Variants in VAV2 observed in about 807,000 individuals in gnomAD.
VAV2 encodes the protein guanine nucleotide exchange factor VAV2.
Under a neutral mutation model 132.5 loss-of-function variants are expected in VAV2, and 67 were observed. The observed-to-expected ratio is 0.51, with a 90% CI of 0.42 to 0.62. The LOEUF (loss-of-function observed/expected upper bound fraction) is 0.62, where lower values mean the gene tolerates loss of function less well. VAV2 is among the 20% of genes least tolerant of loss of function. The pLI, the probability that VAV2 is intolerant of heterozygous loss-of-function variation, is 0.00. For synonymous variants in VAV2, 492 were observed against 443.5 expected (o/e 1.11, Z -1.37); for missense variants, 938 against 1,153.6 (o/e 0.81, Z 2.71).
Position 133,861,847 on chromosome 9 carries a change from T to C in VAV2, c.322-415A>G, listed in dbSNP as rs1309277408. Among the ~76,000 whole-genome samples, 4 of 152,340 alleles carry C rather than the reference T, an allele frequency of 2.6e-5. No individual in the cohort carries two copies. The East Asian group carries it at 7.7e-4, about 29-fold the overall frequency. ...TGTTCACAGTAGGTGCCAACACATT[T>C]CAGAGATGAGGAAATGGGAGCCCAG... On this transcript the variant is annotated intron_variant, in intron 2 of 29. Coordinates refer to ENST00000371850, the MANE Select transcript of VAV2 (RefSeq NM_001134398.2).
chr9:133,976,626 C>T (rs1449270581), intron 1 of VAV2, among the ~76,000 whole-genome samples: 2 of 152,228 alleles, frequency 1.3e-5, no homozygotes, highest in Non-Finnish European at 2.9e-5. Flanking sequence ...AAACAGACCC[C>T]CAAGCCCCTG....
intron 2 of VAV2, among the ~76,000 whole-genome samples, chr9:133,874,672 CAG>C (rs1218706204): frequency 6.6e-6 from 1 of 152,158 alleles, no homozygotes; most frequent in Non-Finnish European, 1.5e-5. Flanking sequence ...ACTCTCTACA[CAG>C]ATGTCTTGCC....
At chr9:133,854,014 A>G (rs1837286702) in intron 3 of VAV2, among the ~76,000 whole-genome samples, 2 of 152,060 alleles carry the variant, frequency 1.3e-5, no homozygotes, top group Non-Finnish European at 2.9e-5. Flanking sequence ...ATATATACAC[A>G]CACGTGTGCA....
intron 2 of VAV2, among the ~76,000 whole-genome samples, chr9:133,925,584 G>C (rs1840448225): frequency 6.6e-6 from 1 of 152,158 alleles, no homozygotes; most frequent in Non-Finnish European, 1.5e-5. Flanking sequence ...AAAGTCCCCA[G>C]GGGCAGAGTG....
At chr9:133,938,656 T>A (rs1021362859) in intron 2 of VAV2, among the ~76,000 whole-genome samples, 16 of 152,114 alleles carry the variant, frequency 1.1e-4, no homozygotes, top group African/African-American at 3.9e-4. Flanking sequence ...AGATAATCCA[T>A]TTACAGAGCA....
At chr9:133,782,399 TC>T (rs759622470) in intron 19 of VAV2, among the ~76,000 whole-genome samples, 8 of 152,068 alleles carry the variant, frequency 5.3e-5, no homozygotes, top group Non-Finnish European at 1.2e-4. Flanking sequence ...GCCTGCGGAA[TC>T]CTCCAGCACT....
At chr9:133,778,052 G>A (rs1246425696) in intron 22 of VAV2, among the ~76,000 whole-genome samples, 1 of 152,150 alleles carries the variant, frequency 6.6e-6, no homozygotes, top group African/African-American at 2.4e-5. Flanking sequence ...CTGGGGGTCT[G>A]AGTCCTTGGC....
chr9:133,886,129 C>G (rs548693155), intron 2 of VAV2, among the ~76,000 whole-genome samples: 1 of 152,032 alleles, frequency 6.6e-6, no homozygotes, highest in African/African-American at 2.4e-5. Flanking sequence ...CTGGAGCAGG[C>G]GGGGAGGGAA....
At chr9:133,842,906 G>A (rs544946906) in intron 3 of VAV2, among the ~76,000 whole-genome samples, 17 of 152,346 alleles carry the variant, frequency 1.1e-4, no homozygotes, top group African/African-American at 1.9e-4. Flanking sequence ...GAAGCGCAGC[G>A]TGGAGGGCCC....
intron 1 of VAV2, among the ~76,000 whole-genome samples, chr9:133,979,143 G>A (rs932441458): frequency 2.6e-5 from 4 of 152,200 alleles, no homozygotes; most frequent in Non-Finnish European, 4.4e-5. Context: ...TCGGAGAGGC[G>A]AGCTCATGGC....
chr9:133,783,490 G>GC lies in VAV2; in HGVS notation c.1723+12_1723+13insG, dbSNP rs749338426. On this transcript the variant is annotated intron_variant, in intron 19 of 29. Coordinates refer to ENST00000371850, the MANE Select transcript of VAV2 (RefSeq NM_001134398.2). ...GCCAGGGACTGGGGTGGGGGGGTGA[G>GC]GGGGGTACTCACTGAACTTGCAGGG... is the stretch of plus-strand genomic sequence containing the variant. 2.6e-5 allele frequency: 39 copies of GC among 1,474,252 alleles called. No homozygotes were observed. The highest frequency in any genetic ancestry group is 3.5e-5 in the Non-Finnish European group (39 of 1,110,286). 91.3% of individuals were successfully genotyped at this position (1,474,252 alleles called of 1,614,324 possible).
At position 133,788,751 on chromosome 9, in the gene VAV2, C is replaced by T. The variant is rs954014127; in HGVS notation, c.1275-265G>A. The stretch of plus-strand genomic sequence containing the variant: ...CTTCAAGGGGCTCCTGCATCCCCCA[C>T]GCTGGCCTCCCATGCAGCACTGACC... On this transcript the variant is annotated intron_variant, in intron 14 of 29. Transcript: ENST00000371850. This position sits in a 1 kb window ranked among gnomAD's most constrained non-coding sequence, Gnocchi z 5.3. Among the ~76,000 whole-genome samples, 2 of 152,138 alleles carry T rather than the reference C, an allele frequency of 1.3e-5. No homozygotes were observed. The highest frequency in any genetic ancestry group is 1.5e-5 in the Non-Finnish European group (1 of 68,024).
rs569355690 is a variant in VAV2 at position 133,918,815 on chromosome 9, G to A, written c.321+20288C>T. On this transcript the variant is annotated intron_variant, in intron 2 of 29. Transcript: ENST00000371850. The surrounding 1 kb of genome is among the most constrained non-coding windows in gnomAD (Gnocchi z 4.7). ...TTTTGAGACAGAGTCTTGTTCTGTC[G>A]CCCAGGCTGAAGTGCAGTGGTGCGA... 7.2e-5 allele frequency among the ~76,000 whole-genome samples: 11 copies of A among 152,006 alleles called. No individual in the cohort carries two copies. The highest frequency in any genetic ancestry group is 2.1e-4 in the South Asian group (1 of 4,810).
intron 13 of VAV2, 116 bp downstream of exon 13, chr9:133,791,667 A>C: frequency 1.1e-6 from 1 of 901,734 alleles, no homozygotes; most frequent in Non-Finnish European, 1.8e-6. Context: ...CAGCCTCTCA[A>C]CAGGCAGCCA....
chr9:133,805,933 A>ATCCTCAACAAGGGAGGACGGGG (rs1366316652), intron 9 of VAV2, 148 bp downstream of exon 9: 59 of 832,738 alleles, frequency 7.1e-5, no homozygotes, highest in Non-Finnish European at 1.0e-4. Flanking sequence ...GGTGGGTGGC[A>ATCCTCAACAAGGGAGGACGGGG]TCCTCAACAA....
chr9:133,892,284 G>A (rs149026979), intron 2 of VAV2, among the ~76,000 whole-genome samples: 1,798 of 151,852 alleles, frequency 0.012, 95 homozygotes, highest in Admixed American at 0.089. Context: ...GCATGGGGCT[G>A]TGCTGCTAGG....
At chr9:133,870,972 GTAGATGGA>G (rs941722130) in intron 2 of VAV2, among the ~76,000 whole-genome samples, 2 of 74,090 alleles carry the variant, frequency 2.7e-5, no homozygotes, top group South Asian at 4.9e-4. Context: ...GGGTGGGTGG[GTAGATGGA>G]TGGATGGATG....
intron 19 of VAV2, among the ~76,000 whole-genome samples, chr9:133,782,110 G>A (rs1315673707): frequency 2.2e-5 from 3 of 138,628 alleles, no homozygotes; most frequent in Non-Finnish European, 1.6e-5. Context: ...CGGGGGCGGG[G>A]CGGGGGAGGA....
intron 12 of VAV2, among the ~76,000 whole-genome samples, chr9:133,792,757 G>A (rs182807297): frequency 2.9e-5 from 4 of 139,062 alleles, no homozygotes; most frequent in East Asian, 2.1e-4. Flanking sequence ...CGGGGAGGCC[G>A]CCCTCGAGAC....
Sources: gnomAD v4.1 joint callset for allele counts (sites outside exome capture counted in the v4.1 genomes callset) on GRCh38, gnomAD v4.1.1 for gene constraint, Gnocchi (gnomAD v3.1) non-coding constraint, MANE v1.5 for transcripts, NCBI Gene and HGNC (gene_info 2026-07-23, HGNC 2026-07-21) for gene names.